The following RAD51B variants were observed in gnomAD, a reference collection of about 807,000 sequenced individuals.
The protein encoded by RAD51B is DNA repair protein RAD51 homolog 2.
A neutral mutation model predicts 42.2 loss-of-function variants in RAD51B; 38 were observed. The ratio of observed to expected loss-of-function variants is 0.90; its 90% confidence interval spans 0.70 to 1.18. The LOEUF is 1.18. RAD51B is among the 50% of genes most tolerant of loss of function. RAD51B has a pLI of 0.00. For missense variants in RAD51B, 373 were observed against 400.7 expected (o/e 0.93, Z 0.59); for synonymous variants, 154 against 145.2 (o/e 1.06, Z -0.43).
At chr14:68,163,839 A>G (rs2078695938) in intron 7 of RAD51B, among the ~76,000 whole-genome samples, 1 of 152,294 alleles carries the variant, frequency 6.6e-6, no homozygotes, top group Non-Finnish European at 1.5e-5. Context: ...AAATCACCCA[A>G]GTTCTTACTC....
intron 7 of RAD51B, among the ~76,000 whole-genome samples, chr14:68,232,075 C>G (rs1265197902): frequency 6.7e-6 from 1 of 148,482 alleles, no homozygotes; most frequent in Non-Finnish European, 1.5e-5. Flanking sequence ...AGAGTCATCA[C>G]TCGTAGAGAT....
intron 7 of RAD51B, among the ~76,000 whole-genome samples, chr14:67,921,841 A>G (rs1566959408): frequency 6.6e-6 from 1 of 151,912 alleles, no homozygotes; most frequent in East Asian, 1.9e-4. Context: ...TGTCCCAAAG[A>G]TGTGTGCATT....
chr14:68,154,259 T>G (rs2078452816), intron 7 of RAD51B, among the ~76,000 whole-genome samples: 1 of 152,244 alleles, frequency 6.6e-6, no homozygotes, highest in Non-Finnish European at 1.5e-5. Flanking sequence ...TTTTGGATCT[T>G]GCTTTCAGGA....
intron 5 of RAD51B, among the ~76,000 whole-genome samples, chr14:67,868,956 CAAAAGTAGAT>C (rs979484759): frequency 1.2e-4 from 18 of 152,322 alleles, no homozygotes; most frequent in African/African-American, 4.3e-4. Context: ...CATCAAAGAC[CAAAAGTAGAT>C]AAAACCACAA....
chr14:68,064,881 A>G (rs2076625013), intron 7 of RAD51B, among the ~76,000 whole-genome samples: 1 of 151,946 alleles, frequency 6.6e-6, no homozygotes, highest in South Asian at 2.1e-4. Context: ...ATTTTCTTCT[A>G]TTTTATCGAA....
At chr14:68,097,078 C>T (rs2077209056) in intron 7 of RAD51B, among the ~76,000 whole-genome samples, 1 of 152,132 alleles carries the variant, frequency 6.6e-6, no homozygotes, top group African/African-American at 2.4e-5. Flanking sequence ...TATTTTACTT[C>T]CTACACATTT....
intron 7 of RAD51B, among the ~76,000 whole-genome samples, chr14:68,231,764 T>C (rs904225387): frequency 3.3e-5 from 5 of 152,200 alleles, no homozygotes; most frequent in African/African-American, 9.7e-5. Flanking sequence ...AAGCTTTGCC[T>C]AACCCTATTT....
intron 7 of RAD51B, among the ~76,000 whole-genome samples, chr14:67,910,181 G>A (rs980069739): frequency 3.3e-5 from 5 of 152,122 alleles, no homozygotes; most frequent in East Asian, 1.9e-4. Flanking sequence ...GTGCAGCTGC[G>A]TATACGAATA....
intron 11 of RAD51B, among the ~76,000 whole-genome samples, chr14:68,675,360 T>C (rs996377367): frequency 2.0e-5 from 3 of 152,134 alleles, no homozygotes; most frequent in African/African-American, 7.2e-5. Flanking sequence ...GGTTTAGGAA[T>C]GACAGAGGGA....
chr14:68,652,743 C>T (rs1026205092), intron 11 of RAD51B, among the ~76,000 whole-genome samples: 1 of 152,234 alleles, frequency 6.6e-6, no homozygotes, highest in African/African-American at 2.4e-5. Context: ...TTTTGCCTCC[C>T]TTCCATGGGC....
chr14:68,610,250 C>G (rs1392472881), intron 10 of RAD51B, among the ~76,000 whole-genome samples: 2 of 152,226 alleles, frequency 1.3e-5, no homozygotes, highest in Non-Finnish European at 2.9e-5. Flanking sequence ...TTCTCTGTCT[C>G]CCTGCATGTC....
Position 68,655,008 on chromosome 14 carries a change from T to A in RAD51B, c.*11+4152T>A, listed in dbSNP as rs2140141400. Among the ~76,000 whole-genome samples, 6 of 152,154 alleles carry A rather than the reference T, an allele frequency of 3.9e-5. No individual in the cohort carries two copies. The Middle Eastern group carries it at 0.017, about 431-fold the overall frequency. ...GTAGGAGGCTGGGATGGAGACACCT[T>A]AGAGAGAGGCTGGCCCCACCAGGCA... On this transcript the variant is annotated intron_variant, in intron 11 of 11. Coordinates refer to the RAD51B transcript ENST00000488612.
intron 7 of RAD51B, among the ~76,000 whole-genome samples, chr14:68,252,331 A>G (rs2080651507): frequency 6.6e-6 from 1 of 152,236 alleles, no homozygotes; most frequent in Non-Finnish European, 1.5e-5. Flanking sequence ...TGAATGGAAG[A>G]GGGAGAAATA....
intron 7 of RAD51B, among the ~76,000 whole-genome samples, chr14:68,069,873 A>G (rs1237263276): frequency 2.6e-5 from 4 of 152,138 alleles, no homozygotes; most frequent in Non-Finnish European, 4.4e-5. Flanking sequence ...CAAACTTTCT[A>G]CAGTGGCTGA....
At chr14:68,624,867 C>G (rs1453422254) in intron 10 of RAD51B, among the ~76,000 whole-genome samples, 1 of 152,198 alleles carries the variant, frequency 6.6e-6, no homozygotes, top group Non-Finnish European at 1.5e-5. Context: ...CCAGAGCCCT[C>G]CCATGCCTCG....
intron 8 of RAD51B, among the ~76,000 whole-genome samples, chr14:68,310,905 G>A (rs145155180): frequency 6.6e-6 from 1 of 152,210 alleles, no homozygotes; most frequent in Non-Finnish European, 1.5e-5. Flanking sequence ...TGTTTAGATA[G>A]TGGTCTTCCA....
intron 5 of RAD51B, chr14:67,885,658 A>G (rs891892428): frequency 3.9e-5 from 14 of 355,886 alleles, no homozygotes; most frequent in Non-Finnish European, 5.8e-5. Context: ...GAGATCCAAC[A>G]GCCCTTGCTG....
At chr14:68,150,212 G>A (rs1194441362) in intron 7 of RAD51B, among the ~76,000 whole-genome samples, 1 of 152,152 alleles carries the variant, frequency 6.6e-6, no homozygotes, top group African/African-American at 2.4e-5. Context: ...ACAAAGTGTT[G>A]GGATTACTGG....
At chr14:67,881,495 C>T (rs1388412591) in intron 5 of RAD51B, among the ~76,000 whole-genome samples, 1 of 152,056 alleles carries the variant, frequency 6.6e-6, no homozygotes, top group Non-Finnish European at 1.5e-5. Context: ...TCACTCTGCA[C>T]ACCTGCTTCC....
Sources: gnomAD v4.1 joint callset for allele counts (sites outside exome capture counted in the v4.1 genomes callset) on GRCh38, gnomAD v4.1.1 for gene constraint, MANE v1.5 for transcripts, NCBI Gene and HGNC (gene_info 2026-07-23, HGNC 2026-07-21) for gene names.